The following SHISA9 variants were observed in gnomAD, a reference collection of about 807,000 sequenced individuals.
SHISA9 encodes the protein shisa family member 9, also known as protein shisa-9.
A neutral mutation model predicts 38.0 loss-of-function variants in SHISA9; 13 were observed. The observed-to-expected ratio is 0.34, with a 90% CI of 0.22 to 0.54. The LOEUF is 0.54. Among genes scored for constraint, SHISA9 ranks in the 20% least tolerant of loss-of-function variants. SHISA9 has a pLI of 0.91. For synonymous variants in SHISA9, 275 were observed against 242.0 expected, an observed-to-expected ratio of 1.14 and a Z score of -1.27; for missense variants, 538 against 575.8, an observed-to-expected ratio of 0.93 and a Z score of 0.67.
At chr16:13,354,700 T>C in the SHISA9 span, among the ~76,000 whole-genome samples, 3 of 151,634 alleles carry the variant, frequency 2.0e-5, no homozygotes, top group Non-Finnish European at 2.9e-5. Context: ...GTCAAGTTGT[T>C]TGGACAGAAA....
chr16:13,383,754 G>A, the SHISA9 span, among the ~76,000 whole-genome samples: 3 of 152,054 alleles, frequency 2.0e-5, no homozygotes, highest in Non-Finnish European at 4.4e-5. Context: ...AGGCTCAAGC[G>A]ATCTTCCCAC....
chr16:13,304,858 C>T, the SHISA9 span, among the ~76,000 whole-genome samples: 179 of 152,290 alleles, frequency 1.2e-3, no homozygotes, highest in African/African-American at 4.3e-3. Flanking sequence ...GAAGTGTCAG[C>T]TCCTATTTTC....
chr16:13,439,783 T>C, the SHISA9 span, among the ~76,000 whole-genome samples: 5 of 152,138 alleles, frequency 3.3e-5, no homozygotes, highest in Admixed American at 3.3e-4. Flanking sequence ...TGAAAACCAA[T>C]TACAAGGGCC....
intron 2 of SHISA9, among the ~76,000 whole-genome samples, chr16:13,101,037 T>C (rs2073874233): frequency 6.6e-6 from 1 of 152,238 alleles, no homozygotes; most frequent in Admixed American, 6.5e-5. Flanking sequence ...GTGGAATTCA[T>C]GCAACGTTTG....
chr16:13,424,627 G>T, the SHISA9 span, among the ~76,000 whole-genome samples: 1 of 152,226 alleles, frequency 6.6e-6, no homozygotes, highest in African/African-American at 2.4e-5. Context: ...TCTCACCTTA[G>T]ATGAGAGCTC....
At chr16:13,431,936 C>A in the SHISA9 span, among the ~76,000 whole-genome samples, 1 of 152,154 alleles carries the variant, frequency 6.6e-6, no homozygotes, top group African/African-American at 2.4e-5. Context: ...TGGCACACGC[C>A]TGCAGTCCCA....
At chr16:13,358,094 A>G in the SHISA9 span, among the ~76,000 whole-genome samples, 2 of 152,030 alleles carry the variant, frequency 1.3e-5, no homozygotes, top group Non-Finnish European at 2.9e-5. Flanking sequence ...GCCTCCCTTG[A>G]AAAGAGAGAA....
intron 2 of SHISA9, among the ~76,000 whole-genome samples, chr16:13,070,306 T>C (rs957481243): frequency 1.3e-5 from 2 of 152,094 alleles, no homozygotes; most frequent in African/African-American, 2.4e-5. Flanking sequence ...CCCTCTCTCT[T>C]TCTCTCCTCC....
At chr16:12,914,051 T>C (rs578215846) in intron 1 of SHISA9, among the ~76,000 whole-genome samples, 45 of 145,570 alleles carry the variant, frequency 3.1e-4, no homozygotes, top group African/African-American at 1.1e-3. Context: ...TTTTTCTTTT[T>C]TTTTTTTTTT....
chr16:13,415,067 T>C, the SHISA9 span, among the ~76,000 whole-genome samples: 1 of 152,312 alleles, frequency 6.6e-6, no homozygotes, highest in Non-Finnish European at 1.5e-5. Flanking sequence ...TACATCTGAT[T>C]GGCCAAAACT....
rs779349322 is a variant in SHISA9, at chr16:13,186,286, AC to A, written c.692-17106del. On this transcript the variant is annotated intron_variant, in intron 2 of 4. Coordinates refer to ENST00000558583, the MANE Select transcript of SHISA9 (RefSeq NM_001145204.3). ...AAATAACATGAAATTTACCATCTTA[AC>A]CTTTTTTTTTTTTTTTTTTTTTTTT... 9.6e-3 allele frequency among the ~76,000 whole-genome samples: 1,243 copies of A among 129,490 alleles called. 29 individuals are homozygous for A. Among genetic ancestry groups the A allele is most frequent in the Non-Finnish European group, 0.015 (916 of 61,696 alleles). The allele number at this position is 129,490 out of a possible 152,430, so 85.0% of individuals were successfully genotyped here. A position where few individuals can be genotyped will look rare whatever the true frequency, so the allele number is the denominator to read the frequency against.
chr16:13,006,784 A>G (rs2072603398), intron 2 of SHISA9, among the ~76,000 whole-genome samples: 1 of 152,022 alleles, frequency 6.6e-6, no homozygotes, highest in Non-Finnish European at 1.5e-5. Context: ...GCCTGACTAC[A>G]CCTTGTGTTT....
intron 2 of SHISA9, among the ~76,000 whole-genome samples, chr16:13,189,581 G>A (rs1305956954): frequency 6.6e-6 from 1 of 152,190 alleles, no homozygotes; most frequent in African/African-American, 2.4e-5. Context: ...GCCTTTCTGA[G>A]TACACGACTT....
the SHISA9 span, among the ~76,000 whole-genome samples, chr16:13,403,869 C>A: frequency 2.6e-5 from 4 of 152,190 alleles, no homozygotes; most frequent in African/African-American, 9.7e-5. Context: ...GCATTGGCCT[C>A]AGTTTCCTCC....
chr16:13,360,585 C>T, the SHISA9 span, among the ~76,000 whole-genome samples: 1 of 152,166 alleles, frequency 6.6e-6, no homozygotes, highest in East Asian at 1.9e-4. Flanking sequence ...TGATTGAGGT[C>T]TCCCTAGCCA....
chr16:13,543,503 A>T, the SHISA9 span, among the ~76,000 whole-genome samples: 30 of 152,308 alleles, frequency 2.0e-4, no homozygotes, highest in African/African-American at 7.0e-4. Flanking sequence ...GACCAAGACC[A>T]CTCAGACGGC....
the SHISA9 span, among the ~76,000 whole-genome samples, chr16:13,448,447 C>T: frequency 6.6e-6 from 1 of 152,188 alleles, no homozygotes; most frequent in Non-Finnish European, 1.5e-5. Flanking sequence ...CAAAGACACC[C>T]TCTCAAGCTG....
the SHISA9 span, among the ~76,000 whole-genome samples, chr16:13,367,023 A>C: frequency 5.3e-5 from 8 of 151,814 alleles, no homozygotes; most frequent in Non-Finnish European, 1.0e-4. Flanking sequence ...GAGGTTGTAA[A>C]AATCTGGGTT....
the SHISA9 span, among the ~76,000 whole-genome samples, chr16:13,508,056 A>AT: frequency 6.6e-6 from 1 of 151,984 alleles, no homozygotes; most frequent in African/African-American, 2.4e-5. Context: ...TCCATCTAGC[A>AT]TTTTTTCTCT....
Sources: gnomAD v4.1 joint callset for allele counts (sites outside exome capture counted in the v4.1 genomes callset) on GRCh38, gnomAD v4.1.1 for gene constraint, MANE v1.5 for transcripts, NCBI Gene and HGNC (gene_info 2026-07-23, HGNC 2026-07-21) for gene names.